CEACAM5: variants seen among roughly 807,000 people sequenced by gnomAD.
CEACAM5 encodes the protein cell adhesion molecule CEACAM5.
A neutral mutation model predicts 63.0 loss-of-function variants in CEACAM5; 52 were observed. The ratio of observed to expected loss-of-function variants is 0.83; its 90% CI spans 0.66 to 1.04. CEACAM5 has a LOEUF of 1.04. CEACAM5 is among the 50% of genes least tolerant of loss of function. CEACAM5 has a pLI of 0.00. For synonymous variants in CEACAM5, 357 were observed against 351.3 expected (o/e 1.02, Z -0.18); for missense variants, 790 against 864.8 (o/e 0.91, Z 1.08).
In CEACAM5 at chr19:41,730,230, C is replaced by G. The variant is rs552620420; in HGVS notation, c.*1083C>G. On this transcript the variant is annotated 3_prime_UTR_variant, in exon 10 of 10. Transcript: ENST00000221992. Reference sequence around the variant, plus strand: ...GGTCAGGAGATCCAGACCATCCTGGCTAACACAGTGAAACCCCGTCTCTAC... The same window carrying G: ...GGTCAGGAGATCCAGACCATCCTGGGTAACACAGTGAAACCCCGTCTCTAC... Among the ~76,000 whole-genome samples, 4 of 152,250 alleles carry G rather than the reference C, an allele frequency of 2.6e-5. No individual in the cohort carries two copies. Among genetic ancestry groups the G allele is most frequent in the Admixed American group, 2.6e-4 (4 of 15,298 alleles).
chr19:41,726,808 C>A (rs1292534919), intron 8 of CEACAM5, among the ~76,000 whole-genome samples: 1 of 152,196 alleles, frequency 6.6e-6, no homozygotes, highest in East Asian at 1.9e-4. Flanking sequence ...GAAGCGAGTT[C>A]TCTGTGCAAC....
At chr19:41,718,028 T>C in intron 5 of CEACAM5, 100 bp from the exon 6 acceptor site, 2 of 1,436,006 alleles carry the variant, frequency 1.4e-6, no homozygotes, top group Non-Finnish European at 1.9e-6. Flanking sequence ...ACTTCAGGAT[T>C]GTGACTTGGC....
intron 2 of CEACAM5, among the ~76,000 whole-genome samples, chr19:41,713,123 G>A (rs528734579): frequency 2.0e-5 from 3 of 152,248 alleles, no homozygotes; most frequent in Admixed American, 2.0e-4. Context: ...TGGCCAACAT[G>A]GTGAAACCCC....
chr19:41,718,296 A>G lies in CEACAM5; in HGVS notation c.1406A>G (p.Glu469Gly). The G allele has an allele frequency of 6.2e-7, 1 of 1,614,172 alleles. No homozygotes were observed. The highest frequency in any genetic ancestry group is 1.1e-5 in the South Asian group (1 of 91,076). Residue 469 changes from glutamate to glycine, a missense_variant, in exon 6 of 10, where the codon GAG becomes GGG. By Grantham distance (98) the Glu-to-Gly change is moderately conservative. Transcript: ENST00000221992. ...GAGCTCTTTATCTCCAACATCACTG[A>G]GAAGAACAGCGGACTCTATACCTGC... ...TQELFISNIT[E>G]KNSGLYTCQA...
intron 1 of CEACAM5, among the ~76,000 whole-genome samples, chr19:41,709,253 T>A (rs989751407): frequency 6.6e-6 from 1 of 152,018 alleles, no homozygotes; most frequent in East Asian, 1.9e-4. Context: ...CATGCTCTCA[T>A]GGGGAGGAAG....
intron 4 of CEACAM5, among the ~76,000 whole-genome samples, chr19:41,716,191 G>A (rs2072524582): frequency 6.6e-6 from 1 of 152,240 alleles, no homozygotes; most frequent in Admixed American, 6.5e-5. Flanking sequence ...AGGAGCAAGG[G>A]TTCTCAAGGT....
chr19:41,724,453 T>G (rs1257516796), intron 8 of CEACAM5, among the ~76,000 whole-genome samples: 2 of 152,192 alleles, frequency 1.3e-5, no homozygotes, highest in African/African-American at 4.8e-5. Context: ...CTATTTAGAG[T>G]CCTGAGATTC....
Position 41,714,352 on chromosome 19 carries a change from C to A in CEACAM5, c.425-619C>A, listed in dbSNP as rs782017734. On this transcript the variant is annotated intron_variant, in intron 2 of 9. Transcript: ENST00000221992. ...GGGGTCTCTGGCTCAAGTCAGTCAT[C>A]ATCAAACACCTGGGAAAAACTGCCC... Among the ~76,000 whole-genome samples the A allele has an allele frequency of 5.2e-4, 79 of 152,204 alleles. 2 individuals carry two copies. The highest frequency in any genetic ancestry group is 3.1e-3 in the Admixed American group (47 of 15,278).
chr19:41,714,516 C>T (rs1215856536), intron 2 of CEACAM5, among the ~76,000 whole-genome samples: 2 of 152,172 alleles, frequency 1.3e-5, no homozygotes, highest in African/African-American at 2.4e-5. Flanking sequence ...ATGGGAAGAC[C>T]CATCACTATC....
chr19:41,721,319 A>C, intron 8 of CEACAM5, 143 bp downstream of exon 8: 1 of 912,022 alleles, frequency 1.1e-6, no homozygotes, highest in Admixed American at 2.4e-5. Flanking sequence ...GAGCCCCCTC[A>C]CTCCATCTCG....
rs1431249498 is a variant in CEACAM5 at position 41,727,082 on chromosome 19, A to G, written c.2027-152A>G. 14 of 734,794 alleles carry G rather than the reference A, an allele frequency of 1.9e-5. No homozygotes were observed. The East Asian group carries it at 3.2e-4, about 17-fold the overall frequency. The allele number at this position is 734,794 out of a possible 1,614,324, so 45.5% of individuals were successfully genotyped here. A position where few individuals can be genotyped will look rare whatever the true frequency, so the allele number is the denominator to read the frequency against. On this transcript the variant is annotated intron_variant, in intron 8 of 9. Coordinates refer to ENST00000221992, the MANE Select transcript of CEACAM5 (RefSeq NM_004363.6). ...TCACCAACTAGCAACACAGTGAGAG[A>G]GAAAAAATTGCAACTTTCCCACAAA...
At chr19:41,723,821 C>T (rs950259483) in intron 8 of CEACAM5, among the ~76,000 whole-genome samples, 5 of 151,632 alleles carry the variant, frequency 3.3e-5, no homozygotes, top group African/African-American at 4.8e-5. Flanking sequence ...TGGTGGTGGG[C>T]GCCTGTAGTC....
At chr19:41,721,779 C>T (rs1555816284) in intron 8 of CEACAM5, among the ~76,000 whole-genome samples, 1 of 152,232 alleles carries the variant, frequency 6.6e-6, no homozygotes, top group Non-Finnish European at 1.5e-5. Context: ...CAATCCACAG[C>T]AGAGCCTCCC....
rs782674855 is a variant in CEACAM5, at chr19:41,715,044, C to T, written c.498C>T (p.Thr166=). The change falls in exon 3 of 10, where the codon ACC becomes ACT. Residue 166 remains threonine (T), a synonymous_variant. Transcript: ENST00000221992. ...PVEDKDAVAF[T]CEPETQDATY... is the part of the protein sequence containing the mutation. ...AGGACAAGGATGCTGTGGCCTTCAC[C>T]TGTGAACCTGAGACTCAGGACGCAA... 27 of 1,614,212 alleles carry T rather than the reference C, an allele frequency of 1.7e-5. No homozygotes were observed. The highest frequency in any genetic ancestry group is 1.6e-4 in the Middle Eastern group (1 of 6,062).
chr19:41,717,498 C>G lies in CEACAM5; in HGVS notation c.1002C>G (p.Pro334=), dbSNP rs1430571580. ...TCATCACCAGCAACAACTCCAACCC[C>G]GTGGAGGATGAGGATGCTGTAGCCT... ...KPFITSNNSN[P]VEDEDAVALT... The change falls in exon 5 of 10, where the codon CCC becomes CCG. Residue 334 remains proline (P), a synonymous_variant. Coordinates refer to ENST00000221992, the MANE Select transcript of CEACAM5 (RefSeq NM_004363.6). 1 of 1,614,220 alleles carries G rather than the reference C, an allele frequency of 6.2e-7. No homozygotes were observed. Among genetic ancestry groups the G allele is most frequent in the Admixed American group, 1.7e-5 (1 of 60,018 alleles).
At chr19:41,712,055 G>GA (rs1555814179) in intron 2 of CEACAM5, among the ~76,000 whole-genome samples, 17 of 152,130 alleles carry the variant, frequency 1.1e-4, no homozygotes, top group African/African-American at 4.1e-4. Flanking sequence ...CAGGCAGCAG[G>GA]ACGGGAATGA....
chr19:41,728,326 T>C (rs2072726627), intron 9 of CEACAM5, among the ~76,000 whole-genome samples: 1 of 152,210 alleles, frequency 6.6e-6, no homozygotes, highest in Non-Finnish European at 1.5e-5. Flanking sequence ...AATGGATACT[T>C]AAGTCCCACC....
At chr19:41,713,459 A>G (rs138763520) in intron 2 of CEACAM5, among the ~76,000 whole-genome samples, 1 of 152,350 alleles carries the variant, frequency 6.6e-6, no homozygotes, top group African/African-American at 2.4e-5. Flanking sequence ...TTTTAGTCCT[A>G]AGCCTTACAC....
In CEACAM5 at chr19:41,715,804, C is replaced by G; in HGVS notation, c.858C>G (p.Ile286Met). Residue 286 changes from isoleucine to methionine, a missense_variant, in exon 4 of 10, where the codon ATC (isoleucine) becomes ATG (methionine). By Grantham distance (10) the Ile-to-Met change is conservative (BLOSUM62 1). Transcript: ENST00000221992. ...AGCAATCCACCCAAGAGCTCTTTATCCCCAACATCACTGTGAATAATAGTG... is the reference window on the plus strand; with the variant it reads ...AGCAATCCACCCAAGAGCTCTTTATGCCCAACATCACTGTGAATAATAGTG... ...TFQQSTQELFIPNITVNNSGS... is the reference protein window; with the variant it reads ...TFQQSTQELFMPNITVNNSGS... 1 of 1,614,172 alleles carries G rather than the reference C, an allele frequency of 6.2e-7. No homozygotes were observed. Among genetic ancestry groups the G allele is most frequent in the African/African-American group, 1.3e-5 (1 of 75,038 alleles).
Sources: gnomAD v4.1 joint callset for allele counts (sites outside exome capture counted in the v4.1 genomes callset) on GRCh38, gnomAD v4.1.1 for gene constraint, MANE v1.5 for transcripts, NCBI Gene and HGNC (gene_info 2026-07-23, HGNC 2026-07-21) for gene names.